The following ERGIC2 variants were observed in gnomAD, a reference collection of about 807,000 sequenced individuals.
The protein encoded by ERGIC2 is ERGIC and golgi 2, also known as endoplasmic reticulum-Golgi intermediate compartment protein 2.
In ERGIC2, 31 loss-of-function variants were observed where a neutral mutation model predicts 52.5. That is an observed-to-expected ratio of 0.59 (90% confidence interval 0.44 to 0.80). ERGIC2 has a LOEUF of 0.80. Ranked by LOEUF, ERGIC2 falls within the 30% of genes least tolerant of loss-of-function variation. The probability of loss-of-function intolerance (pLI) is 0.00; values close to 1 mark genes in which losing one functional copy is unlikely to be tolerated. For synonymous variants in ERGIC2, 129 were observed against 140.6 expected (o/e 0.92, Z 0.58); for missense variants, 395 against 455.2 (o/e 0.87, Z 1.20).
chr12:29,349,306 A>G, intron 9 of ERGIC2, 129 bp from the exon 10 acceptor site: 2 of 429,850 alleles, frequency 4.7e-6, no homozygotes, highest in Non-Finnish European at 8.4e-6. Flanking sequence ...ATAATAATAC[A>G]GTATTTTAAG....
At chr12:29,360,098 TGTTGTTG>T (rs1940262400) in intron 6 of ERGIC2, among the ~76,000 whole-genome samples, 1 of 152,234 alleles carries the variant, frequency 6.6e-6, no homozygotes, top group Middle Eastern at 3.4e-3. Context: ...TAGGCATTCC[TGTTGTTG>T]GTGAGGTTGT....
intron 3 of ERGIC2, among the ~76,000 whole-genome samples, chr12:29,369,226 G>A (rs748512888): frequency 1.3e-5 from 2 of 151,804 alleles, no homozygotes; most frequent in African/African-American, 2.4e-5. Context: ...CTTATGTGGC[G>A]AACTATGTAA....
intron 4 of ERGIC2, 30 bp downstream of exon 4, chr12:29,368,209 ATG>A (rs1281583625): frequency 7.2e-7 from 1 of 1,383,000 alleles, no homozygotes; most frequent in Non-Finnish European, 1.0e-6. Context: ...CATAACCTAC[ATG>A]TGGATTCAGC....
In ERGIC2 at chr12:29,371,560, C is replaced by T. The variant is rs1940441292; in HGVS notation, c.74G>A (p.Ser25Asn). Residue 25 changes from serine to asparagine, a missense_variant, in exon 2 of 14, where the codon AGC becomes AAC. Ser to Asn is a conservative substitution (Grantham distance 46). Coordinates refer to ENST00000360150, the MANE Select transcript of ERGIC2 (RefSeq NM_016570.3). ...TCCACTGGCTGAAGTCTCTACATAG[C>T]TCTCAGGAACCTTCGGAAAGGCATC... ...ELDAFPKVPE[S>N]YVETSASGGT... 6.8e-6 allele frequency: 11 copies of T among 1,612,666 alleles called. No homozygotes were observed. Among genetic ancestry groups the T allele is most frequent in the African/African-American group, 1.3e-5 (1 of 74,864 alleles).
intron 1 of ERGIC2, among the ~76,000 whole-genome samples, chr12:29,376,083 C>T (rs1010513168): frequency 2.6e-5 from 4 of 152,170 alleles, no homozygotes; most frequent in African/African-American, 9.7e-5. Context: ...TCATGTTTTA[C>T]CATATTTCTC....
At chr12:29,369,742 C>G (rs1453933729) in intron 3 of ERGIC2, among the ~76,000 whole-genome samples, 1 of 151,962 alleles carries the variant, frequency 6.6e-6, no homozygotes, top group Non-Finnish European at 1.5e-5. Context: ...TTATAGACAT[C>G]AAGTCATAAG....
rs1949828451 is a variant in ERGIC2, at chr12:29,340,347, A to C, written c.*809T>G. 1 of 152,236 alleles carries C rather than the reference A, an allele frequency of 6.6e-6. No homozygotes were observed. Among genetic ancestry groups the C allele is most frequent in the Non-Finnish European group, 1.5e-5 (1 of 68,056 alleles). The allele number at this position is 152,236 out of a possible 1,614,324, so 9.4% of individuals were successfully genotyped here. A position where few individuals can be genotyped will look rare whatever the true frequency, so the allele number is the denominator to read the frequency against. The stretch of plus-strand genomic sequence containing the variant: ...TTTTATAACTCACCCTATGTTGCCC[A>C]AAATACACCAATAATATAATGATTA... On this transcript the variant is annotated 3_prime_UTR_variant, in exon 14 of 14. Coordinates refer to ENST00000360150, the MANE Select transcript of ERGIC2 (RefSeq NM_016570.3).
chr12:29,356,964 G>A (rs756643187), intron 7 of ERGIC2, among the ~76,000 whole-genome samples: 31 of 151,620 alleles, frequency 2.0e-4, no homozygotes, highest in South Asian at 8.4e-4. Flanking sequence ...AAATATCCAC[G>A]AATCTTTTTT....
chr12:29,347,448 TCACTC>T (rs1337087987), intron 10 of ERGIC2, among the ~76,000 whole-genome samples: 1 of 152,238 alleles, frequency 6.6e-6, no homozygotes, highest in Non-Finnish European at 1.5e-5. Context: ...CTTATTTACT[TCACTC>T]AAGTTTTTTT....
At chr12:29,348,892 G>C (rs944220174) in intron 10 of ERGIC2, among the ~76,000 whole-genome samples, 187 bp downstream of exon 10, 1 of 151,392 alleles carries the variant, frequency 6.6e-6, no homozygotes. Context: ...CTGTTCTATG[G>C]CTCATTTTTG....
intron 8 of ERGIC2, among the ~76,000 whole-genome samples, chr12:29,353,532 T>G (rs941437693): frequency 6.6e-6 from 1 of 152,146 alleles, no homozygotes; most frequent in Non-Finnish European, 1.5e-5. Context: ...TGAAACACTC[T>G]TAAGCATTTC....
At chr12:29,372,517 T>C (rs924216312) in intron 1 of ERGIC2, 2 of 152,096 alleles carry the variant, frequency 1.3e-5, no homozygotes, top group Non-Finnish European at 2.9e-5. Context: ...CCTATGACAA[T>C]AACCTGCGGT....
At chr12:29,360,383 A>T (rs1007671788) in intron 6 of ERGIC2, among the ~76,000 whole-genome samples, 1 of 151,242 alleles carries the variant, frequency 6.6e-6, no homozygotes, top group East Asian at 1.9e-4. Flanking sequence ...AGACCATTAT[A>T]TATATAGAAA....
chr12:29,354,080 G>C (rs1034916013), intron 8 of ERGIC2, among the ~76,000 whole-genome samples: 3 of 152,038 alleles, frequency 2.0e-5, no homozygotes, highest in African/African-American at 7.2e-5. Context: ...CAGAAACAAG[G>C]CATCCTGCAA....
chr12:29,377,652 G>A (rs747645114), intron 1 of ERGIC2, among the ~76,000 whole-genome samples: 1 of 152,104 alleles, frequency 6.6e-6, no homozygotes, highest in African/African-American at 2.4e-5. Context: ...GATATGGAGG[G>A]GTGACTGTAT....
chr12:29,373,069 A>C (rs1301313133), intron 1 of ERGIC2: 1 of 152,150 alleles, frequency 6.6e-6, no homozygotes, highest in Non-Finnish European at 1.5e-5. Context: ...ACTTTATGGG[A>C]GACAGGAAAA....
rs1949823765 is a variant in ERGIC2 at position 29,339,710 on chromosome 12, T to C, written c.*1446A>G. 1 of 152,180 alleles carries C rather than the reference T, an allele frequency of 6.6e-6. No homozygotes were observed. The highest frequency in any genetic ancestry group is 6.6e-5 in the Admixed American group (1 of 15,264). 9.4% of individuals were successfully genotyped at this position (152,180 alleles called of 1,614,324 possible). A position where few individuals can be genotyped will look rare whatever the true frequency, so the allele number is the denominator to read the frequency against. ...TTACTGCAAAACAGACCCATCACTA[T>C]TTCTCCTTCTCTCCATTATATTGTT... On this transcript the variant is annotated 3_prime_UTR_variant, in exon 14 of 14. Coordinates refer to ENST00000360150, the MANE Select transcript of ERGIC2 (RefSeq NM_016570.3).
Position 29,371,602 on chromosome 12 carries a change from CTTAAAGTTT to C in ERGIC2, c.23_31del (p.Lys8_Leu10del). ...AAAGGCATCCAACTCTTTTACCAAA[CTTAAAGTTT>C]TTTTCCGATTCAGTCGCCTCATCTT... On this transcript the variant is annotated inframe_deletion, in exon 2 of 14. Coordinates refer to ENST00000360150, the MANE Select transcript of ERGIC2 (RefSeq NM_016570.3). 1 of 1,613,610 alleles carries C rather than the reference CTTAAAGTTT, an allele frequency of 6.2e-7. No homozygotes were observed. Among genetic ancestry groups the C allele is most frequent in the African/African-American group, 1.3e-5 (1 of 75,022 alleles).
At chr12:29,374,353 A>G (rs10843396) in intron 1 of ERGIC2, among the ~76,000 whole-genome samples, 151,424 of 152,262 alleles carry the variant, frequency 0.99, 75,299 homozygotes, top group East Asian at 1. Context: ...CTACCTGGAA[A>G]ACCCTCTTTG....
Sources: allele counts gnomAD v4.1 joint callset (sites outside exome capture counted in the v4.1 genomes callset), GRCh38; gene constraint gnomAD v4.1.1; transcripts MANE v1.5; gene names NCBI Gene and HGNC (gene_info 2026-07-23, HGNC 2026-07-21).